RP1: variants seen among roughly 807,000 people sequenced by gnomAD.
The protein encoded by RP1 is oxygen-regulated protein 1.
RP1 carries 16 observed loss-of-function variants against 14.8 expected under a neutral mutation model. The ratio of observed to expected loss-of-function variants is 1.08; its 90% CI spans 0.73 to 1.65. The LOEUF (loss-of-function observed/expected upper bound fraction) is 1.65. Ranked by LOEUF, RP1 falls within the 40% of genes most tolerant of loss-of-function variation. The pLI is 0.00. For missense variants in RP1, 2,631 were observed against 2,535.0 expected (o/e 1.04, Z -0.81); for synonymous variants, 876 against 883.6 (o/e 0.99, Z 0.15).
intron 21 of RP1, among the ~76,000 whole-genome samples, chr8:54,757,777 C>T (rs1585666612): frequency 6.6e-6 from 1 of 152,218 alleles, no homozygotes. Flanking sequence ...CTTGCATTTG[C>T]TACAACAGGT....
chr8:54,585,573 A>G (rs1039797555), intron 1 of RP1, among the ~76,000 whole-genome samples: 1 of 152,172 alleles, frequency 6.6e-6, no homozygotes, highest in East Asian at 1.9e-4. Context: ...GTTCTCCTGG[A>G]TAATATCCTG....
chr8:54,824,063 C>T (rs1206070426), intron 24 of RP1, among the ~76,000 whole-genome samples: 1 of 152,006 alleles, frequency 6.6e-6, no homozygotes, highest in Non-Finnish European at 1.5e-5. Flanking sequence ...TGCTTATTTG[C>T]CATCCATACA....
chr8:54,823,913 G>A (rs1378719090), intron 24 of RP1, among the ~76,000 whole-genome samples: 4 of 152,166 alleles, frequency 2.6e-5, no homozygotes, highest in Non-Finnish European at 1.5e-5. Context: ...CAACATATGA[G>A]AGATCTGGAT....
chr8:54,739,085 G>A (rs1351754469), intron 19 of RP1: 6 of 1,278,778 alleles, frequency 4.7e-6, no homozygotes, highest in Non-Finnish European at 6.5e-6. Context: ...AAAGAAGCAA[G>A]CTGGCTATGT....
At chr8:54,645,044 AC>A (rs1027452332) in intron 3 of RP1, among the ~76,000 whole-genome samples, 1 of 152,122 alleles carries the variant, frequency 6.6e-6, no homozygotes, top group African/African-American at 2.4e-5. Flanking sequence ...ATCTGCAATG[AC>A]CCTATGTTTA....
intron 12 of RP1, among the ~76,000 whole-genome samples, chr8:54,697,519 C>T (rs1807898122): frequency 6.6e-6 from 1 of 152,170 alleles, no homozygotes; most frequent in Non-Finnish European, 1.5e-5. Flanking sequence ...TGTGCCATTG[C>T]ACTCCAGCCT....
chr8:54,674,642 G>A (rs1250665835), intron 8 of RP1, among the ~76,000 whole-genome samples: 1 of 151,936 alleles, frequency 6.6e-6, no homozygotes, highest in Non-Finnish European at 1.5e-5. Context: ...TGGACAATGT[G>A]TTTAGGTAAT....
intron 15 of RP1, among the ~76,000 whole-genome samples, chr8:54,710,475 C>T (rs987248396): frequency 1.3e-5 from 2 of 152,176 alleles, no homozygotes; most frequent in Non-Finnish European, 2.9e-5. Flanking sequence ...GGCCCTTTGC[C>T]TCGTTGTGTA....
chr8:54,649,863 C>T (rs1806621620), intron 4 of RP1, among the ~76,000 whole-genome samples: 1 of 152,180 alleles, frequency 6.6e-6, no homozygotes, highest in South Asian at 2.1e-4. Flanking sequence ...TTACTACAAC[C>T]ACAGGAGAGG....
intron 1 of RP1, among the ~76,000 whole-genome samples, chr8:54,582,838 C>T (rs1395597983): frequency 6.6e-6 from 1 of 152,072 alleles, no homozygotes; most frequent in Middle Eastern, 3.2e-3. Flanking sequence ...GTGATTTTTG[C>T]ACATTGATTT....
rs1410667703 is a variant in RP1, at chr8:54,649,136, A to G, written c.939A>G (p.Glu313=). ...GGGCTCGATTTCAGGTTGGCCATGA[A>G]GACATATTTACTGTAAGTAATAAAA... is the stretch of plus-strand genomic sequence containing the variant. The change falls in exon 4 of 23, where the codon GAA becomes GAG. Residue 313 remains glutamate (E), a synonymous_variant. Transcript: ENST00000636932. 3.3e-6 allele frequency: 5 copies of G among 1,496,508 alleles called. No individual in the cohort carries two copies. In the African/African-American group the frequency reaches 5.6e-5, roughly 17 times the overall value. 92.7% of individuals were successfully genotyped at this position (1,496,508 alleles called of 1,614,324 possible). A position where few individuals can be genotyped will look rare whatever the true frequency, so the allele number is the denominator to read the frequency against.
At chr8:54,614,587 G>T (rs897149439), upstream of RP1, among the ~76,000 whole-genome samples, 1 of 152,182 alleles carries the variant, frequency 6.6e-6, no homozygotes, top group Non-Finnish European at 1.5e-5. Flanking sequence ...CAGGGAGAGG[G>T]TATGGTAGCT....
chr8:54,678,841 GGACTAGGTCC>G (rs1807358980), intron 9 of RP1, among the ~76,000 whole-genome samples: 1 of 151,976 alleles, frequency 6.6e-6, no homozygotes, highest in African/African-American at 2.4e-5. Flanking sequence ...TATTCCCTTT[GGACTAGGTCC>G]CAAATTAGGT....
chr8:54,869,293 A>G (rs371965234), intron 28 of RP1, among the ~76,000 whole-genome samples: 8 of 152,356 alleles, frequency 5.3e-5, no homozygotes, highest in Admixed American at 4.6e-4. Context: ...TATAAGATAC[A>G]TTCCAGATTT....
chr8:54,632,670 T>G (rs1321885639), downstream of RP1, among the ~76,000 whole-genome samples: 1 of 152,214 alleles, frequency 6.6e-6, no homozygotes, highest in Non-Finnish European at 1.5e-5. Context: ...TTTGTATTTT[T>G]TTTAGTTTTT....
At chr8:54,655,338 G>A (rs1330985871) in intron 5 of RP1, among the ~76,000 whole-genome samples, 1 of 152,098 alleles carries the variant, frequency 6.6e-6, no homozygotes, top group African/African-American at 2.4e-5. Flanking sequence ...TTCAGAAAAG[G>A]CTAGACTTTA....
chr8:54,630,701 G>A lies in RP1; in HGVS notation c.*348G>A. The A allele has an allele frequency of 9.1e-7, 1 of 1,093,608 alleles. No individual in the cohort carries two copies. Among genetic ancestry groups the A allele is most frequent in the Non-Finnish European group, 1.1e-6 (1 of 897,686 alleles). 67.7% of individuals were successfully genotyped at this position (1,093,608 alleles called of 1,614,324 possible). On this transcript the variant is annotated 3_prime_UTR_variant, in exon 4 of 4. Transcript: ENST00000220676. ...TTTTAAAAAATGTTGTTAGCTTGGT[G>A]TAAAATGTATATTGACTGTATTGGT...
intron 1 of RP1, among the ~76,000 whole-genome samples, chr8:54,580,129 C>T (rs1474875076): frequency 9.0e-6 from 1 of 111,268 alleles, no homozygotes; most frequent in African/African-American, 3.3e-5. Flanking sequence ...CCAGGAAATG[C>T]TCAGTTTCCT....
chr8:54,752,469 C>T (rs1189765534), intron 19 of RP1, among the ~76,000 whole-genome samples: 2 of 152,106 alleles, frequency 1.3e-5, no homozygotes, highest in Non-Finnish European at 2.9e-5. Context: ...TGCTTTCATC[C>T]CCTAATTGTT....
Sources: gnomAD v4.1 joint callset for allele counts (sites outside exome capture counted in the v4.1 genomes callset) on GRCh38, gnomAD v4.1.1 for gene constraint, MANE v1.5 for transcripts, NCBI Gene and HGNC (gene_info 2026-07-23, HGNC 2026-07-21) for gene names.